The following ZFHX4 variants were observed in gnomAD, a reference collection of about 807,000 sequenced individuals.
The protein encoded by ZFHX4 is zinc finger homeobox protein 4.
In ZFHX4, 56 loss-of-function variants were observed where a neutral mutation model predicts 267.6. The ratio of observed to expected loss-of-function variants is 0.21; its 90% CI spans 0.17 to 0.26. The LOEUF is 0.26. Ranked by LOEUF, ZFHX4 falls within the 10% of genes least tolerant of loss-of-function variation. The pLI is 1.00. For missense variants in ZFHX4, 4,332 were observed against 4,420.0 expected (o/e 0.98, Z 0.56); for synonymous variants, 1,778 against 1,665.6 (o/e 1.07, Z -1.64).
intron 1 of ZFHX4, among the ~76,000 whole-genome samples, chr8:76,698,823 A>C (rs1808025784): frequency 6.6e-6 from 1 of 152,124 alleles, no homozygotes; most frequent in South Asian, 2.1e-4. Flanking sequence ...AAACTTAATT[A>C]CCTTCTCCCC....
At chr8:76,787,020 T>C (rs556292816) in intron 4 of ZFHX4, among the ~76,000 whole-genome samples, 1 of 152,338 alleles carries the variant, frequency 6.6e-6, no homozygotes, top group South Asian at 2.1e-4. Flanking sequence ...TTACACAATC[T>C]CTTTTCCTGT....
chr8:76,682,959 A>C (rs1807582448), intron 1 of ZFHX4: 2 of 152,286 alleles, frequency 1.3e-5, no homozygotes. Context: ...AATTGTATAA[A>C]GTTTCTCTGC....
chr8:76,863,086 G>C lies in ZFHX4; in HGVS notation c.9380-8G>C. ...TGACAGTGGCCATCTCTCTGTTGTT[G>C]TTTTCAGCTTTAACACCTCCCGGTG... On this transcript the variant is annotated splice_polypyrimidine_tract_variant and splice_region_variant and intron_variant, in intron 10 of 10. Coordinates refer to ENST00000651372, the MANE Select transcript of ZFHX4 (RefSeq NM_024721.5). 2 of 1,497,520 alleles carry C rather than the reference G, an allele frequency of 1.3e-6. No homozygotes were observed. The highest frequency in any genetic ancestry group is 8.9e-7 in the Non-Finnish European group (1 of 1,122,720). 92.8% of individuals were successfully genotyped at this position (1,497,520 alleles called of 1,614,324 possible). A position where few individuals can be genotyped will look rare whatever the true frequency, so the allele number is the denominator to read the frequency against.
In ZFHX4 at chr8:76,864,561, T is replaced by C; in HGVS notation, c.10847T>C (p.Val3616Ala). Residue 3616 changes from valine (V) to alanine (A), a missense_variant, in exon 11 of 11, where the codon GTG becomes GCG. By Grantham distance (64) the Val-to-Ala change is moderately conservative. Transcript: ENST00000651372. ...FNSIRMDMFS[V>A] The stretch of plus-strand genomic sequence containing the variant: ...AGCATCCGAATGGATATGTTCAGTG[T>C]GTAGGAGTGAAGACAGGATCCCGTG... The C allele has an allele frequency of 1.3e-6, 2 of 1,554,208 alleles. No homozygotes were observed. The highest frequency in any genetic ancestry group is 1.7e-6 in the Non-Finnish European group (2 of 1,152,150).
intron 4 of ZFHX4, among the ~76,000 whole-genome samples, chr8:76,791,160 C>T (rs1002868929): frequency 6.6e-6 from 1 of 152,096 alleles, no homozygotes; most frequent in Non-Finnish European, 1.5e-5. Flanking sequence ...ATGTCTTTTC[C>T]TTGCCATTCA....
rs768512343 is a variant in ZFHX4 at position 76,853,766 on chromosome 8, G to A, written c.6845G>A (p.Arg2282Gln). The change falls in exon 10 of 11, where the codon CGA becomes CAA. Residue 2282 changes from arginine (R) to glutamine (Q), a missense_variant. By Grantham distance (43) the Arg-to-Gln change is conservative. Around this residue, in one of 7 missense-constraint regions of ZFHX4, gnomAD observed 4 missense variants for 16.6 expected, o/e 0.24. Transcript: ENST00000651372. The stretch of plus-strand genomic sequence containing the variant: ...TTCCAGAATGCTCGTCAGAAAGCAC[G>A]AAAGAGTTATGAGAATCAAGCAGAA... ...VWFQNARQKA[R>Q]KSYENQAETK... 4 of 1,613,658 alleles carry A rather than the reference G, an allele frequency of 2.5e-6. No homozygotes were observed. Among genetic ancestry groups the A allele is most frequent in the Non-Finnish European group, 3.4e-6 (4 of 1,179,770 alleles).
chr8:76,722,345 C>T (rs1179726149), intron 3 of ZFHX4, among the ~76,000 whole-genome samples: 1 of 151,974 alleles, frequency 6.6e-6, no homozygotes, highest in East Asian at 1.9e-4. Flanking sequence ...AGATTGACTG[C>T]CTACTTCAGT....
chr8:76,813,260 T>C (rs1811422927), intron 4 of ZFHX4, among the ~76,000 whole-genome samples: 1 of 152,186 alleles, frequency 6.6e-6, no homozygotes, highest in African/African-American at 2.4e-5. Context: ...TGGATTTTAC[T>C]AAACTTTTCT....
chr8:76,852,776 G>C lies in ZFHX4; in HGVS notation c.5855G>C (p.Gly1952Ala). ...GACAAACTAGAATGTGGAACATGTG[G>C]TAAATTGTTTTCCAATGTTCTTATT... ...NTDKLECGTC[G>A]KLFSNVLILK... Residue 1952 changes from glycine to alanine, a missense_variant, in exon 10 of 11, where the codon GGT (glycine) becomes GCT (alanine). Physicochemically the swap from Gly to Ala is moderately conservative, Grantham distance 60. This residue lies in a region of ZFHX4 where 1,371 missense variants were observed against 1,423.1 expected (regional missense o/e 0.96). Transcript: ENST00000651372. The C allele has an allele frequency of 6.2e-7, 1 of 1,613,524 alleles. No homozygotes were observed. The highest frequency in any genetic ancestry group is 2.2e-5 in the East Asian group (1 of 44,868).
chr8:76,812,735 T>A (rs1811408256), intron 4 of ZFHX4, among the ~76,000 whole-genome samples: 1 of 152,210 alleles, frequency 6.6e-6, no homozygotes, highest in Non-Finnish European at 1.5e-5. Context: ...GTTATATTTT[T>A]AGGTTCCATA....
rs143903680 is a variant in ZFHX4, at chr8:76,866,659, T to G, written c.*2094T>G. On this transcript the variant is annotated 3_prime_UTR_variant, in exon 11 of 11. Transcript: ENST00000651372. ...GCAGCAGCATTGTGAGATCGATCTG[T>G]CCTGGCAGTTAACACGATGTGCAAC... is the stretch of plus-strand genomic sequence containing the variant. 6.6e-6 allele frequency: 1 copy of G among 152,650 alleles called. No individual in the cohort carries two copies. The highest frequency in any genetic ancestry group is 6.5e-5 in the Admixed American group (1 of 15,278). The allele number at this position is 152,650 out of a possible 1,614,324, so 9.5% of individuals were successfully genotyped here.
intron 4 of ZFHX4, among the ~76,000 whole-genome samples, chr8:76,808,481 A>G (rs1811298419): frequency 6.6e-6 from 1 of 152,170 alleles, no homozygotes; most frequent in Non-Finnish European, 1.5e-5. Context: ...TAAGCGAGTT[A>G]AAGGCTGATG....
intron 4 of ZFHX4, among the ~76,000 whole-genome samples, chr8:76,822,686 C>T (rs186025219): frequency 1.3e-5 from 2 of 152,102 alleles, no homozygotes; most frequent in Admixed American, 1.3e-4. Context: ...AAGTGATCCC[C>T]CATCTTGGCC....
intron 6 of ZFHX4, among the ~76,000 whole-genome samples, chr8:76,843,007 T>C (rs549684078): frequency 1.3e-5 from 2 of 152,208 alleles, no homozygotes; most frequent in Non-Finnish European, 2.9e-5. Flanking sequence ...TGTGGATAAG[T>C]TGAAGAATAT....
At chr8:76,746,066 C>T (rs901751539) in intron 3 of ZFHX4, among the ~76,000 whole-genome samples, 6 of 152,106 alleles carry the variant, frequency 3.9e-5, no homozygotes, top group Non-Finnish European at 8.8e-5. Context: ...AACTTTTCAC[C>T]TGGCTGTAAT....
chr8:76,836,473 T>C (rs1328928951), intron 5 of ZFHX4, among the ~76,000 whole-genome samples: 1 of 151,910 alleles, frequency 6.6e-6, no homozygotes, highest in Non-Finnish European at 1.5e-5. Context: ...TCTGAGGAAA[T>C]GACAAGTGAG....
In ZFHX4 at chr8:76,705,798, AGCT is replaced by A; in HGVS notation, c.1714_1716del (p.Ala572del). On this transcript the variant is annotated inframe_deletion, in exon 2 of 11. Transcript: ENST00000651372. ...CAAGTGCCAGTAAAGACAGTGCCAC[AGCT>A]GCTCATCCAAGTGAAATAGCCCGGG... The A allele has an allele frequency of 6.2e-7, 1 of 1,614,002 alleles. No individual in the cohort carries two copies. The highest frequency in any genetic ancestry group is 8.5e-7 in the Non-Finnish European group (1 of 1,179,894).
chr8:76,859,912 T>C lies in ZFHX4; in HGVS notation c.9380-3182T>C, dbSNP rs1323304534. ...ATTACTATCAGGACAAGGTAGCTAT[T>C]TCAGAGAAAGAAAACCCAACAAAAT... On this transcript the variant is annotated intron_variant, in intron 10 of 10. Transcript: ENST00000651372. Among the ~76,000 whole-genome samples, 4 of 152,114 alleles carry C rather than the reference T, an allele frequency of 2.6e-5. No individual in the cohort carries two copies. In the South Asian group the frequency reaches 6.2e-4, roughly 24 times the overall value.
chr8:76,720,505 T>C (rs1808691288), intron 3 of ZFHX4, among the ~76,000 whole-genome samples: 1 of 152,172 alleles, frequency 6.6e-6, no homozygotes, highest in Non-Finnish European at 1.5e-5. Context: ...GGACATATGC[T>C]CTCTTTTCTC....
Sources: allele counts gnomAD v4.1 joint callset (sites outside exome capture counted in the v4.1 genomes callset), GRCh38; gene constraint gnomAD v4.1.1; regional missense constraint gnomAD v4.1.1; transcripts MANE v1.5; gene names NCBI Gene and HGNC (gene_info 2026-07-23, HGNC 2026-07-21).